The following CCDC60 variants were observed in gnomAD, a reference collection of about 807,000 sequenced individuals.
The protein encoded by CCDC60 is coiled-coil domain-containing protein 60.
Under a neutral mutation model 63.5 loss-of-function variants are expected in CCDC60, and 54 were observed. The ratio of observed to expected loss-of-function variants is 0.85; its 90% CI spans 0.68 to 1.07. The LOEUF is 1.07. CCDC60 is among the 50% of genes least tolerant of loss of function. The pLI is 0.00. For synonymous variants in CCDC60, 206 were observed against 238.8 expected (o/e 0.86, Z 1.27); for missense variants, 651 against 684.3 (o/e 0.95, Z 0.54).
At chr12:119,401,981 T>C (rs1236843510) in intron 1 of CCDC60, among the ~76,000 whole-genome samples, 3 of 152,230 alleles carry the variant, frequency 2.0e-5, no homozygotes, top group African/African-American at 7.2e-5. Context: ...TAACATTTAT[T>C]GAGAGCCCCC....
intron 2 of CCDC60, among the ~76,000 whole-genome samples, chr12:119,470,899 T>C (rs1040565964): frequency 6.6e-6 from 1 of 152,124 alleles, no homozygotes; most frequent in African/African-American, 2.4e-5. Context: ...CATCACTGTA[T>C]CCCCAACAGT....
chr12:119,532,430 T>TATCATC (rs1555257657), intron 13 of CCDC60, among the ~76,000 whole-genome samples: 4 of 147,654 alleles, frequency 2.7e-5, no homozygotes, highest in African/African-American at 7.6e-5. Context: ...TTATTATTAT[T>TATCATC]ATCATTATAC....
At chr12:119,440,025 A>G (rs1312629234) in intron 2 of CCDC60, among the ~76,000 whole-genome samples, 1 of 151,472 alleles carries the variant, frequency 6.6e-6, no homozygotes, top group Non-Finnish European at 1.5e-5. Flanking sequence ...GAACACATGG[A>G]CACAGGGAGT....
At chr12:119,460,855 G>C (rs1294902020) in intron 2 of CCDC60, among the ~76,000 whole-genome samples, 2 of 152,164 alleles carry the variant, frequency 1.3e-5, no homozygotes, top group Non-Finnish European at 2.9e-5. Context: ...GCCACAGATG[G>C]TGCTTTGGAT....
chr12:119,466,148 A>C (rs1566024592), intron 2 of CCDC60, among the ~76,000 whole-genome samples: 1 of 152,158 alleles, frequency 6.6e-6, no homozygotes, highest in Non-Finnish European at 1.5e-5. Context: ...TCACCTTCTG[A>C]GTGAGGGTTT....
intron 1 of CCDC60, among the ~76,000 whole-genome samples, chr12:119,380,028 CTGAAA>C (rs1454378727): frequency 6.6e-5 from 10 of 152,208 alleles, no homozygotes; most frequent in African/African-American, 2.4e-4. Context: ...GCCTCTATCT[CTGAAA>C]TGGGCACAAA....
chr12:119,454,688 C>T (rs1028109351), intron 2 of CCDC60, among the ~76,000 whole-genome samples: 1 of 152,188 alleles, frequency 6.6e-6, no homozygotes, highest in Non-Finnish European at 1.5e-5. Context: ...AAGAAAGAGG[C>T]AGAGAAAGAG....
chr12:119,444,937 T>C (rs933789076), intron 2 of CCDC60, among the ~76,000 whole-genome samples: 2 of 152,220 alleles, frequency 1.3e-5, no homozygotes, highest in Middle Eastern at 3.4e-3. Flanking sequence ...CTTTTTTTTT[T>C]CTATTAGGTG....
At chr12:119,370,650 G>A (rs1284633964) in intron 1 of CCDC60, among the ~76,000 whole-genome samples, 1 of 152,198 alleles carries the variant, frequency 6.6e-6, no homozygotes, top group East Asian at 1.9e-4. Context: ...AGGCCTTGAA[G>A]GCTGAAATGC....
intron 1 of CCDC60, among the ~76,000 whole-genome samples, chr12:119,422,841 G>A (rs1451145165): frequency 6.6e-6 from 1 of 151,556 alleles, no homozygotes; most frequent in Non-Finnish European, 1.5e-5. Flanking sequence ...AACTAATTAC[G>A]GTTTTTGCCA....
chr12:119,499,926 C>A, intron 5 of CCDC60, 152 bp from the exon 6 acceptor site: 5 of 665,448 alleles, frequency 7.5e-6, no homozygotes, highest in Non-Finnish European at 1.3e-5. Context: ...GGAGAACTAT[C>A]CCCCCCATTT....
rs2014138 is a variant in CCDC60 at position 119,528,751 on chromosome 12, A to T, written c.1361+5A>T. ...AGAAGAAATTGCAGACCACTGGTAA[A>T]TATCCTAAGAACCAGATAAGATGGT... is the stretch of plus-strand genomic sequence containing the variant. On this transcript the variant is annotated splice_donor_5th_base_variant and intron_variant, in intron 12 of 13. Coordinates refer to ENST00000327554, the MANE Select transcript of CCDC60 (RefSeq NM_178499.5). 8.4e-3 allele frequency: 13,559 copies of T among 1,612,576 alleles called. 895 individuals are homozygous for T. The African/African-American group carries it at 0.16, about 19-fold the overall frequency.
intron 1 of CCDC60, among the ~76,000 whole-genome samples, chr12:119,336,920 C>T (rs1955477507): frequency 1.3e-5 from 2 of 152,126 alleles, no homozygotes; most frequent in Admixed American, 1.3e-4. Flanking sequence ...TTATTGTATC[C>T]TCAAACCCCA....
At chr12:119,499,957 G>C in intron 5 of CCDC60, 121 bp from the exon 6 acceptor site, 2 of 762,470 alleles carry the variant, frequency 2.6e-6, no homozygotes, top group Non-Finnish European at 4.7e-6. Flanking sequence ...AGAGGAGTGG[G>C]GGAGGAAATC....
At chr12:119,472,302 A>G in intron 3 of CCDC60, 138 bp downstream of exon 3, 1 of 775,392 alleles carries the variant, frequency 1.3e-6, no homozygotes, top group Non-Finnish European at 2.1e-6. Flanking sequence ...CACCTTCTTT[A>G]GTGTGGTCCA....
chr12:119,482,876 G>T (rs1951357770), intron 4 of CCDC60, among the ~76,000 whole-genome samples: 1 of 152,050 alleles, frequency 6.6e-6, no homozygotes, highest in South Asian at 2.1e-4. Context: ...TTAGTTGGTT[G>T]GTGGCCAGGG....
chr12:119,352,459 T>C (rs1284964442), intron 1 of CCDC60, among the ~76,000 whole-genome samples: 1 of 152,174 alleles, frequency 6.6e-6, no homozygotes, highest in African/African-American at 2.4e-5. Context: ...TTTTTACAGA[T>C]AAGAAAACAA....
chr12:119,522,592 A>G (rs1235220343), intron 9 of CCDC60, among the ~76,000 whole-genome samples: 1 of 152,230 alleles, frequency 6.6e-6, no homozygotes, highest in Non-Finnish European at 1.5e-5. Context: ...GTTTTACACA[A>G]ATGAAACTGA....
At chr12:119,498,832 G>A (rs899990628) in intron 5 of CCDC60, among the ~76,000 whole-genome samples, 2 of 152,200 alleles carry the variant, frequency 1.3e-5, no homozygotes, top group Non-Finnish European at 2.9e-5. Context: ...AAAGGTAGTT[G>A]AGAGATCACA....
Sources: allele counts gnomAD v4.1 joint callset (sites outside exome capture counted in the v4.1 genomes callset), GRCh38; gene constraint gnomAD v4.1.1; transcripts MANE v1.5; gene names NCBI Gene and HGNC (gene_info 2026-07-23, HGNC 2026-07-21).